Variants in SLCO2A1 observed in about 807,000 individuals in gnomAD.
The protein encoded by SLCO2A1 is matrin F/G 1.
In SLCO2A1, 60 loss-of-function variants were observed where a neutral mutation model predicts 71.7. The ratio of observed to expected loss-of-function variants is 0.84; its 90% CI spans 0.68 to 1.04. The LOEUF is 1.04. Ranked by LOEUF, SLCO2A1 falls within the 50% of genes least tolerant of loss-of-function variation. The pLI is 0.00. For missense variants in SLCO2A1, 745 were observed against 813.4 expected (o/e 0.92, Z 1.02); for synonymous variants, 308 against 326.7 (o/e 0.94, Z 0.62).
chr3:133,995,650 G>T (rs1472075478), intron 1 of SLCO2A1, among the ~76,000 whole-genome samples: 2 of 152,134 alleles, frequency 1.3e-5, no homozygotes, highest in African/African-American at 4.8e-5. Flanking sequence ...AGTGTTTAGG[G>T]CCCCACATCA....
At chr3:134,015,654 C>T (rs915488944) in intron 1 of SLCO2A1, among the ~76,000 whole-genome samples, 18 of 152,124 alleles carry the variant, frequency 1.2e-4, no homozygotes, top group African/African-American at 4.3e-4. Context: ...TTTAATCACG[C>T]CACATTGCAC....
intron 1 of SLCO2A1, among the ~76,000 whole-genome samples, chr3:134,018,205 G>T (rs1467860004): frequency 6.6e-6 from 1 of 152,150 alleles, no homozygotes; most frequent in Non-Finnish European, 1.5e-5. Flanking sequence ...GAACAATGTT[G>T]TCTTCAATGT....
intron 1 of SLCO2A1, among the ~76,000 whole-genome samples, chr3:134,026,270 C>A (rs932620453): frequency 6.6e-6 from 1 of 151,792 alleles, no homozygotes; most frequent in Non-Finnish European, 1.5e-5. Flanking sequence ...GAGAGAAATC[C>A]ATTTAGTAAA....
At chr3:133,948,755 C>G in intron 7 of SLCO2A1, 55 bp from the exon 8 acceptor site, 4 of 1,601,786 alleles carry the variant, frequency 2.5e-6, no homozygotes, top group Admixed American at 3.4e-5. Flanking sequence ...GCAGGCACAC[C>G]TAGGGGATGG....
chr3:133,936,625 G>A (rs1559926910), intron 12 of SLCO2A1, among the ~76,000 whole-genome samples: 2 of 152,222 alleles, frequency 1.3e-5, no homozygotes, highest in South Asian at 4.2e-4. Flanking sequence ...ACTGGACTGC[G>A]GAGGGCTTGT....
chr3:133,991,025 G>A (rs1035629215), intron 1 of SLCO2A1, among the ~76,000 whole-genome samples: 9 of 152,036 alleles, frequency 5.9e-5, no homozygotes, highest in Non-Finnish European at 1.2e-4. Context: ...CAGGAGAATC[G>A]CTTAAACCTG....
At chr3:133,999,105 G>A (rs980346468) in intron 1 of SLCO2A1, among the ~76,000 whole-genome samples, 1 of 152,138 alleles carries the variant, frequency 6.6e-6, no homozygotes, top group African/African-American at 2.4e-5. Context: ...GTTACTCCTC[G>A]GCTTACAGGC....
chr3:134,023,172 C>T (rs747715250), intron 1 of SLCO2A1, among the ~76,000 whole-genome samples: 36 of 152,168 alleles, frequency 2.4e-4, no homozygotes, highest in Non-Finnish European at 2.9e-4. Context: ...GGACTCATTA[C>T]ACCCGAGTCA....
intron 1 of SLCO2A1, among the ~76,000 whole-genome samples, chr3:133,985,159 C>T (rs1309603607): frequency 6.6e-6 from 1 of 152,222 alleles, no homozygotes; most frequent in African/African-American, 2.4e-5. Context: ...GTTACCAGAA[C>T]ATCACTTGCT....
At chr3:133,938,605 C>T (rs548664381) in intron 11 of SLCO2A1, 112 bp from the exon 12 acceptor site, 27 of 948,706 alleles carry the variant, frequency 2.8e-5, no homozygotes, top group South Asian at 1.5e-4. Flanking sequence ...TGTGGCCTGA[C>T]GAGCCCTCTG....
chr3:133,947,200 CAGATCTA>C, intron 9 of SLCO2A1, 49 bp downstream of exon 9: 1 of 1,446,106 alleles, frequency 6.9e-7, no homozygotes, highest in Non-Finnish European at 9.5e-7. Context: ...GTATAACAGC[CAGATCTA>C]AGCCCTGGCC....
intron 1 of SLCO2A1, among the ~76,000 whole-genome samples, chr3:134,016,067 A>G (rs1669893250): frequency 6.6e-6 from 1 of 152,230 alleles, no homozygotes; most frequent in African/African-American, 2.4e-5. Flanking sequence ...GTTTAAATGT[A>G]AATGAGAAAA....
At chr3:133,992,788 C>A (rs1161481238) in intron 1 of SLCO2A1, among the ~76,000 whole-genome samples, 1 of 152,208 alleles carries the variant, frequency 6.6e-6, no homozygotes. Context: ...ATATTACCTT[C>A]CTGTTCCCTT....
intron 1 of SLCO2A1, among the ~76,000 whole-genome samples, chr3:134,023,121 AAAACAAACAAACAAAC>A (rs143225028): frequency 1.0e-4 from 4 of 38,324 alleles, no homozygotes; most frequent in African/African-American, 1.5e-4. Context: ...TTCATACAGC[AAAACAAACAAACAAAC>A]AAACAAACAA....
chr3:134,026,914 T>A (rs1935710916), intron 1 of SLCO2A1, among the ~76,000 whole-genome samples: 1 of 152,208 alleles, frequency 6.6e-6, no homozygotes, highest in African/African-American at 2.4e-5. Flanking sequence ...CCTGGGGCCA[T>A]GTTTAGAAAA....
chr3:133,973,239 A>C (rs1248159818), intron 3 of SLCO2A1, among the ~76,000 whole-genome samples: 1 of 152,256 alleles, frequency 6.6e-6, no homozygotes, highest in Non-Finnish European at 1.5e-5. Flanking sequence ...CAACATAGTA[A>C]ACATGATCAA....
At chr3:134,020,181 C>T (rs144045687) in intron 1 of SLCO2A1, among the ~76,000 whole-genome samples, 1,649 of 152,258 alleles carry the variant, frequency 0.011, 32 homozygotes, top group African/African-American at 0.036. Flanking sequence ...ATGTGCACCC[C>T]CTTAGAGTTG....
At chr3:134,015,616 C>G (rs547186635) in intron 1 of SLCO2A1, among the ~76,000 whole-genome samples, 1 of 152,014 alleles carries the variant, frequency 6.6e-6, no homozygotes, top group Non-Finnish European at 1.5e-5. Context: ...GATAGATAAG[C>G]GAGGTCAAGA....
chr3:133,977,068 G>T lies in SLCO2A1; in HGVS notation c.234+2413C>A, dbSNP rs146136134. Among the ~76,000 whole-genome samples, 113 of 152,198 alleles carry T rather than the reference G, an allele frequency of 7.4e-4. 1 individual carries two copies. The East Asian group carries it at 0.021, about 28-fold the overall frequency. On this transcript the variant is annotated intron_variant, in intron 2 of 13. Coordinates refer to ENST00000310926, the MANE Select transcript of SLCO2A1 (RefSeq NM_005630.3). ...CAGCCTCACCTTCCCCTTGCACCAGGCCGGGCTCTCTTCTCACATCCCCCC... is the reference window on the plus strand; with the variant it reads ...CAGCCTCACCTTCCCCTTGCACCAGTCCGGGCTCTCTTCTCACATCCCCCC...
Sources: gnomAD v4.1 joint callset for allele counts (sites outside exome capture counted in the v4.1 genomes callset) on GRCh38, gnomAD v4.1.1 for gene constraint, MANE v1.5 for transcripts, NCBI Gene and HGNC (gene_info 2026-07-23, HGNC 2026-07-21) for gene names.